The following GALNTL6 variants were observed in gnomAD, a reference collection of about 807,000 sequenced individuals.
The protein encoded by GALNTL6 is polypeptide N-acetylgalactosaminyltransferase like 6.
Under a neutral mutation model 73.7 loss-of-function variants are expected in GALNTL6, and 46 were observed. That is an observed-to-expected ratio of 0.62 (90% CI 0.49 to 0.80). The LOEUF is 0.80. Ranked by LOEUF, GALNTL6 falls within the 30% of genes least tolerant of loss-of-function variation. The probability of loss-of-function intolerance (pLI) is 0.00; values close to 1 mark genes in which losing one functional copy is unlikely to be tolerated. For missense variants in GALNTL6, 604 were observed against 755.0 expected, an observed-to-expected ratio of 0.80 and a Z score of 2.34; for synonymous variants, 259 against 263.7, an observed-to-expected ratio of 0.98 and a Z score of 0.17.
At chr4:172,602,096 G>T (rs991094135) in intron 5 of GALNTL6, among the ~76,000 whole-genome samples, 1 of 151,668 alleles carries the variant, frequency 6.6e-6, no homozygotes, top group Non-Finnish European at 1.5e-5. Flanking sequence ...TCATAACTTA[G>T]GATTTTATAT....
At chr4:171,981,485 C>G (rs1739893114) in intron 2 of GALNTL6, among the ~76,000 whole-genome samples, 2 of 152,174 alleles carry the variant, frequency 1.3e-5, no homozygotes, top group Non-Finnish European at 2.9e-5. Flanking sequence ...AGGAATTTCT[C>G]TGTTGGCAAA....
At chr4:172,369,748 A>G (rs1468061203) in intron 5 of GALNTL6, among the ~76,000 whole-genome samples, 11 of 152,122 alleles carry the variant, frequency 7.2e-5, no homozygotes, top group Non-Finnish European at 1.6e-4. Flanking sequence ...CCGGTGGTAC[A>G]GGCTGGCCAC....
At chr4:172,710,583 A>C (rs1420116895) in intron 5 of GALNTL6, among the ~76,000 whole-genome samples, 10 of 152,126 alleles carry the variant, frequency 6.6e-5, no homozygotes, top group Admixed American at 2.6e-4. Flanking sequence ...TTATCCAACT[A>C]TGTCTTGCTG....
chr4:172,107,612 T>C (rs1732712391), intron 2 of GALNTL6, among the ~76,000 whole-genome samples: 1 of 133,508 alleles, frequency 7.5e-6, no homozygotes, highest in Non-Finnish European at 1.5e-5. Flanking sequence ...CACTCATAGG[T>C]GGGAATTGAA....
chr4:172,397,556 C>CATCT (rs1554020696), intron 5 of GALNTL6, among the ~76,000 whole-genome samples: 1 of 144,380 alleles, frequency 6.9e-6, no homozygotes, highest in African/African-American at 2.6e-5. Context: ...ATAAGTATCT[C>CATCT]ATTTATTTAT....
chr4:172,518,934 G>T (rs1484133999), intron 5 of GALNTL6, among the ~76,000 whole-genome samples: 1 of 151,748 alleles, frequency 6.6e-6, no homozygotes, highest in East Asian at 1.9e-4. Context: ...GCAAACCAAT[G>T]ATGCTGTGAG....
intron 8 of GALNTL6, among the ~76,000 whole-genome samples, chr4:172,916,311 G>A (rs1286246049): frequency 6.6e-6 from 1 of 152,132 alleles, no homozygotes; most frequent in East Asian, 1.9e-4. Flanking sequence ...GCAAAAACTG[G>A]AAGCATTCCC....
intron 5 of GALNTL6, among the ~76,000 whole-genome samples, chr4:172,515,320 T>C (rs1009246195): frequency 2.0e-5 from 3 of 152,248 alleles, no homozygotes; most frequent in African/African-American, 7.2e-5. Flanking sequence ...CTTAGCTTGC[T>C]GACACTGGGT....
chr4:171,942,959 T>C (rs1456231077), intron 2 of GALNTL6, among the ~76,000 whole-genome samples: 4 of 152,206 alleles, frequency 2.6e-5, no homozygotes, highest in African/African-American at 9.7e-5. Flanking sequence ...ACTAAATGAC[T>C]GTGCTCCAAA....
intron 3 of GALNTL6, among the ~76,000 whole-genome samples, chr4:172,254,823 A>G (rs555855371): frequency 2.1e-4 from 32 of 151,808 alleles, no homozygotes; most frequent in African/African-American, 7.5e-4. Flanking sequence ...TAATTAAGAT[A>G]TTGTCTAATC....
intron 2 of GALNTL6, among the ~76,000 whole-genome samples, chr4:172,144,147 G>A (rs1733868963): frequency 6.6e-6 from 1 of 152,102 alleles, no homozygotes; most frequent in African/African-American, 2.4e-5. Flanking sequence ...CCAATTATCA[G>A]GAGCTCCACT....
At chr4:172,897,648 C>T (rs971111917) in intron 8 of GALNTL6, among the ~76,000 whole-genome samples, 15 of 152,168 alleles carry the variant, frequency 9.9e-5, no homozygotes, top group African/African-American at 2.7e-4. Flanking sequence ...GGACAAAACA[C>T]GTACGTTGGT....
intron 5 of GALNTL6, among the ~76,000 whole-genome samples, chr4:172,476,375 C>T (rs775494036): frequency 7.9e-5 from 12 of 152,142 alleles, no homozygotes; most frequent in African/African-American, 1.4e-4. Context: ...CCCCACATCC[C>T]GATACCATCA....
intron 5 of GALNTL6, among the ~76,000 whole-genome samples, chr4:172,402,223 C>G (rs1419669354): frequency 1.3e-5 from 2 of 151,968 alleles, no homozygotes; most frequent in Non-Finnish European, 2.9e-5. Context: ...GTGTGCCTGG[C>G]TTAGTGCAAT....
intron 8 of GALNTL6, among the ~76,000 whole-genome samples, chr4:172,920,522 C>T (rs937439368): frequency 6.6e-6 from 1 of 152,092 alleles, no homozygotes; most frequent in African/African-American, 2.4e-5. Flanking sequence ...ATTTTTTCAA[C>T]CTTACCCTGC....
chr4:172,290,831 C>T (rs1279237310), intron 3 of GALNTL6, among the ~76,000 whole-genome samples: 1 of 151,470 alleles, frequency 6.6e-6, no homozygotes, highest in African/African-American at 2.4e-5. Context: ...TTGACAAATA[C>T]TATTAATTAA....
chr4:172,302,029 T>C (rs950429560), intron 3 of GALNTL6, among the ~76,000 whole-genome samples: 2 of 152,184 alleles, frequency 1.3e-5, no homozygotes, highest in African/African-American at 4.8e-5. Context: ...AGTTCAAGAT[T>C]CCCAGCCGCT....
chr4:171,979,491 T>C (rs1440606690), intron 2 of GALNTL6, among the ~76,000 whole-genome samples: 1 of 152,168 alleles, frequency 6.6e-6, no homozygotes, highest in Non-Finnish European at 1.5e-5. Context: ...TGGTTCCTAC[T>C]TGGGTCAGGG....
At chr4:171,962,356 G>A (rs950084572) in intron 2 of GALNTL6, among the ~76,000 whole-genome samples, 3 of 152,074 alleles carry the variant, frequency 2.0e-5, no homozygotes, top group African/African-American at 4.8e-5. Context: ...TAGGAGATCC[G>A]CACAAGATAC....
Sources: gnomAD v4.1 joint callset for allele counts (sites outside exome capture counted in the v4.1 genomes callset) on GRCh38, gnomAD v4.1.1 for gene constraint, MANE v1.5 for transcripts, NCBI Gene and HGNC (gene_info 2026-07-23, HGNC 2026-07-21) for gene names.